The following PRR5L variants were observed in gnomAD, a reference collection of about 807,000 sequenced individuals.
PRR5L encodes proline rich 5 like.
Under a neutral mutation model 36.4 loss-of-function variants are expected in PRR5L, and 21 were observed. The observed-to-expected ratio is 0.58, with a 90% CI of 0.41 to 0.83. The LOEUF is 0.83. PRR5L is among the 40% of genes least tolerant of loss of function. The probability of loss-of-function intolerance (pLI) is 0.00; values close to 1 mark genes in which losing one functional copy is unlikely to be tolerated. For synonymous variants in PRR5L, 188 were observed against 197.0 expected, an observed-to-expected ratio of 0.95 and a Z score of 0.38; for missense variants, 381 against 473.3, an observed-to-expected ratio of 0.80 and a Z score of 1.81.
At chr11:36,445,611 G>A (rs1286994840) in intron 6 of PRR5L, among the ~76,000 whole-genome samples, 1 of 152,192 alleles carries the variant, frequency 6.6e-6, no homozygotes, top group African/African-American at 2.4e-5. Context: ...TTGAATTAGA[G>A]TAACTCTCTG....
chr11:36,339,697 T>G (rs1386385411), intron 1 of PRR5L, among the ~76,000 whole-genome samples: 2 of 152,220 alleles, frequency 1.3e-5, no homozygotes, highest in Admixed American at 1.3e-4. Context: ...CCAGGCAGCT[T>G]GATTCCTGAG....
intron 1 of PRR5L, chr11:36,396,146 C>G (rs755494259): frequency 1.3e-5 from 2 of 152,210 alleles, no homozygotes; most frequent in South Asian, 4.1e-4. Context: ...CTGGCAGGCT[C>G]AACAGTGAGC....
intron 3 of PRR5L, among the ~76,000 whole-genome samples, chr11:36,407,326 T>G (rs1360293993): frequency 6.6e-6 from 1 of 152,034 alleles, no homozygotes; most frequent in Admixed American, 6.6e-5. Flanking sequence ...CTACAAAAAA[T>G]ACAAATAAAA....
At chr11:36,422,682 A>T (rs148067103) in intron 4 of PRR5L, among the ~76,000 whole-genome samples, 11 of 152,280 alleles carry the variant, frequency 7.2e-5, no homozygotes, top group African/African-American at 2.6e-4. Flanking sequence ...GGCCAAGAGA[A>T]AGCAGGTAGG....
At chr11:36,320,295 G>C (rs1391913010) in intron 1 of PRR5L, among the ~76,000 whole-genome samples, 1 of 146,020 alleles carries the variant, frequency 6.8e-6, no homozygotes, top group African/African-American at 2.6e-5. Flanking sequence ...CCAGGCTGGA[G>C]TGCAGTGGTG....
At chr11:36,382,133 G>A (rs1210479863) in intron 1 of PRR5L, among the ~76,000 whole-genome samples, 1 of 152,170 alleles carries the variant, frequency 6.6e-6, no homozygotes, top group Non-Finnish European at 1.5e-5. Context: ...ACTCCAGCCT[G>A]GGTGACAGAG....
chr11:36,349,207 C>T (rs150379304), intron 1 of PRR5L, among the ~76,000 whole-genome samples: 1 of 151,310 alleles, frequency 6.6e-6, no homozygotes, highest in African/African-American at 2.4e-5. Context: ...TAGCTTGAAC[C>T]CGCGAGGCGG....
chr11:36,349,241 A>G lies in PRR5L; in HGVS notation c.-125-51756A>G, dbSNP rs182017883. The stretch of plus-strand genomic sequence containing the variant: ...GGAGGTTGCAGTGAGCTGAGATTGC[A>G]CCACTGCACTCCAGCCTGGGTGACA... On this transcript the variant is annotated intron_variant, in intron 1 of 8. Transcript: ENST00000530639. Among the ~76,000 whole-genome samples the G allele has an allele frequency of 4.9e-5, 7 of 143,570 alleles. No homozygotes were observed. The East Asian group carries it at 1.5e-3, about 30-fold the overall frequency. The allele number at this position is 143,570 out of a possible 152,430, so 94.2% of individuals were successfully genotyped here.
intron 1 of PRR5L, among the ~76,000 whole-genome samples, chr11:36,307,862 G>T (rs976468161): frequency 6.6e-6 from 1 of 152,236 alleles, no homozygotes; most frequent in Admixed American, 6.5e-5. Context: ...TCCAGGGGAA[G>T]AAGAGAGGGA....
chr11:36,452,164 G>A (rs1332194744), intron 8 of PRR5L, among the ~76,000 whole-genome samples: 1 of 152,138 alleles, frequency 6.6e-6, no homozygotes, highest in African/African-American at 2.4e-5. Context: ...CCCAGGAATG[G>A]TGCCTGGCGT....
rs900837152 is a variant in PRR5L, at chr11:36,443,043, G to T, written c.445-3257G>T. ...TTTCTGTATTAGTTCATTTTGCATT[G>T]TTACAACGGAATACCTGAGACTGGG... On this transcript the variant is annotated intron_variant, in intron 6 of 8. Coordinates refer to ENST00000530639, the MANE Select transcript of PRR5L (RefSeq NM_001160167.2). Among the ~76,000 whole-genome samples, 7 of 152,196 alleles carry T rather than the reference G, an allele frequency of 4.6e-5. 1 individual carries two copies. In the East Asian group the frequency reaches 1.2e-3, roughly 25 times the overall value.
intron 1 of PRR5L, among the ~76,000 whole-genome samples, chr11:36,323,006 C>T (rs542432734): frequency 4.6e-5 from 7 of 152,182 alleles, no homozygotes; most frequent in Non-Finnish European, 1.0e-4. Context: ...CTAGATTCTT[C>T]TCTAGAGCAT....
At chr11:36,402,170 T>A (rs995353579) in intron 2 of PRR5L, among the ~76,000 whole-genome samples, 5 of 152,218 alleles carry the variant, frequency 3.3e-5, no homozygotes, top group Non-Finnish European at 7.3e-5. Context: ...TTGCAGACAC[T>A]GTTTGGAGTA....
chr11:36,431,539 G>A (rs1044634738), intron 4 of PRR5L, among the ~76,000 whole-genome samples: 1 of 151,930 alleles, frequency 6.6e-6, no homozygotes, highest in East Asian at 1.9e-4. Context: ...ATCACTAAGG[G>A]CCTCTAGGAC....
chr11:36,334,113 T>G (rs1240160639), intron 1 of PRR5L, among the ~76,000 whole-genome samples: 2 of 152,106 alleles, frequency 1.3e-5, no homozygotes, highest in Admixed American at 1.3e-4. Flanking sequence ...CCCTCCCACT[T>G]GGCAATTCTT....
chr11:36,433,730 A>G, intron 5 of PRR5L, among the ~76,000 whole-genome samples: 1 of 152,064 alleles, frequency 6.6e-6, no homozygotes, highest in Non-Finnish European at 1.5e-5. Context: ...TTGTATATTT[A>G]GTAGGCGTTT....
chr11:36,302,327 G>T (rs764125620), intron 1 of PRR5L, among the ~76,000 whole-genome samples: 2 of 152,200 alleles, frequency 1.3e-5, no homozygotes, highest in African/African-American at 4.8e-5. Context: ...GTGTAGGCCT[G>T]CTGGCCTGTC....
chr11:36,443,251 G>A (rs969846646), intron 6 of PRR5L, among the ~76,000 whole-genome samples: 1 of 152,182 alleles, frequency 6.6e-6, no homozygotes, highest in Non-Finnish European at 1.5e-5. Context: ...TGGGGGAAGA[G>A]GCACCAGGCT....
chr11:36,351,312 A>ATATG (rs1183048707), intron 1 of PRR5L, among the ~76,000 whole-genome samples: 1 of 77,678 alleles, frequency 1.3e-5, no homozygotes, highest in African/African-American at 5.1e-5. Context: ...ATATATTTAT[A>ATATG]TATATTTATA....
Sources: allele counts gnomAD v4.1 joint callset (sites outside exome capture counted in the v4.1 genomes callset), GRCh38; gene constraint gnomAD v4.1.1; transcripts MANE v1.5; gene names NCBI Gene and HGNC (gene_info 2026-07-23, HGNC 2026-07-21).